RAB38: variants seen among roughly 807,000 people sequenced by gnomAD.
The protein encoded by RAB38 is ras-related protein Rab-38.
In RAB38, 15 loss-of-function variants were observed where a neutral mutation model predicts 18.4. The observed-to-expected ratio is 0.82, with a 90% CI of 0.55 to 1.26. The LOEUF is 1.26. Among genes scored for constraint, RAB38 ranks in the 50% most tolerant of loss-of-function variants. The pLI, the probability that RAB38 is intolerant of heterozygous loss-of-function variation, is 0.00. For missense variants in RAB38, 294 were observed against 267.4 expected, an observed-to-expected ratio of 1.10 and a Z score of -0.69; for synonymous variants, 101 against 104.4, an observed-to-expected ratio of 0.97 and a Z score of 0.20.
the RAB38 span, among the ~76,000 whole-genome samples, chr11:87,915,715 T>G: frequency 6.6e-6 from 1 of 152,156 alleles, no homozygotes; most frequent in African/African-American, 2.4e-5. Context: ...TGCTTTACTC[T>G]CTTAATAAAC....
At chr11:87,886,077 G>A in the RAB38 span, among the ~76,000 whole-genome samples, 2 of 151,818 alleles carry the variant, frequency 1.3e-5, no homozygotes, top group African/African-American at 2.4e-5. Context: ...TTGATACACC[G>A]TTTCAACTCC....
At chr11:88,099,378 A>T in the RAB38 span, among the ~76,000 whole-genome samples, 2 of 151,956 alleles carry the variant, frequency 1.3e-5, no homozygotes. Context: ...TTTAATTTTC[A>T]CAGAATTCAT....
chr11:87,898,882 T>G, the RAB38 span, among the ~76,000 whole-genome samples: 382 of 151,720 alleles, frequency 2.5e-3, 1 homozygote, highest in Non-Finnish European at 4.3e-3. Flanking sequence ...TTCCCCCATG[T>G]AGGAAGGACC....
At chr11:87,886,531 G>A in the RAB38 span, among the ~76,000 whole-genome samples, 15 of 151,890 alleles carry the variant, frequency 9.9e-5, 1 homozygote, top group Admixed American at 9.8e-4. Context: ...TGTGGTTAAG[G>A]ATTTACCAGC....
At chr11:88,005,377 A>G in the RAB38 span, among the ~76,000 whole-genome samples, 1 of 143,740 alleles carries the variant, frequency 7.0e-6, no homozygotes, top group Non-Finnish European at 1.5e-5. Context: ...AAGGCAATTC[A>G]ATGAAGGAAA....
chr11:88,013,541 T>C, the RAB38 span, among the ~76,000 whole-genome samples: 1 of 152,172 alleles, frequency 6.6e-6, no homozygotes, highest in Non-Finnish European at 1.5e-5. Context: ...TTGTTCTAGC[T>C]GATTCAAAAT....
chr11:88,021,897 G>A, the RAB38 span, among the ~76,000 whole-genome samples: 1 of 146,776 alleles, frequency 6.8e-6, no homozygotes, highest in Non-Finnish European at 1.5e-5. Flanking sequence ...TCAAATTCCT[G>A]ACCTAAAGTG....
the RAB38 span, among the ~76,000 whole-genome samples, chr11:87,970,937 G>C: frequency 6.6e-6 from 1 of 152,018 alleles, no homozygotes; most frequent in Non-Finnish European, 1.5e-5. Context: ...AGGAGTCCCT[G>C]CGCAGCAGCT....
the RAB38 span, among the ~76,000 whole-genome samples, chr11:87,953,304 ATGTATAAGGAATAGG>A: frequency 1.3e-5 from 2 of 152,154 alleles, no homozygotes; most frequent in Non-Finnish European, 2.9e-5. Flanking sequence ...GTAGTGATGA[ATGTATAAGGAATAGG>A]TGCTAGAGAG....
chr11:87,910,633 C>CTTTTTTTTTTTTTTTTTTTTTTTT, the RAB38 span, among the ~76,000 whole-genome samples: 1 of 131,104 alleles, frequency 7.6e-6, no homozygotes, highest in Non-Finnish European at 1.5e-5. Context: ...AGTTCATTTT[C>CTTTTTTTTTTTTTTTTTTTTTTTT]TTTTTTTTTT....
At chr11:88,080,864 AG>A in the RAB38 span, among the ~76,000 whole-genome samples, 1 of 132,378 alleles carries the variant, frequency 7.6e-6, no homozygotes, top group African/African-American at 2.7e-5. Flanking sequence ...GGAGGGAGGG[AG>A]GGAGGGAGGG....
At chr11:88,124,828 A>C (rs1942674365) in intron 2 of RAB38, among the ~76,000 whole-genome samples, 2 of 152,246 alleles carry the variant, frequency 1.3e-5, no homozygotes, top group African/African-American at 2.4e-5. Context: ...TTGAAATATC[A>C]TGTAACTAGA....
chr11:87,877,697 G>A, the RAB38 span, among the ~76,000 whole-genome samples: 1 of 151,470 alleles, frequency 6.6e-6, no homozygotes, highest in Non-Finnish European at 1.5e-5. Flanking sequence ...TATAACACTA[G>A]CCCTCCTAGC....
intron 1 of RAB38, 113 bp downstream of exon 1, chr11:88,175,070 C>A: frequency 7.9e-7 from 1 of 1,267,460 alleles, no homozygotes; most frequent in Non-Finnish European, 1.1e-6. Context: ...CCAGGAAAAA[C>A]TGCCTCGCGA....
the RAB38 span, among the ~76,000 whole-genome samples, chr11:87,904,541 T>C: frequency 0.3 from 45,772 of 151,596 alleles, 8,724 homozygotes; most frequent in African/African-American, 0.55. Flanking sequence ...TGAATAGTAT[T>C]ATAATGAATA....
chr11:87,947,528 C>T, the RAB38 span, among the ~76,000 whole-genome samples: 13 of 152,234 alleles, frequency 8.5e-5, no homozygotes, highest in African/African-American at 3.1e-4. Flanking sequence ...TCAGGTCTAA[C>T]ATTTAAGTCT....
chr11:88,154,760 ACT>A (rs1565218576), intron 1 of RAB38, among the ~76,000 whole-genome samples: 2 of 152,116 alleles, frequency 1.3e-5, no homozygotes, highest in African/African-American at 4.8e-5. Context: ...TGGGAGGCTA[ACT>A]CTGTTTCACA....
chr11:87,873,840 A>G, the RAB38 span, among the ~76,000 whole-genome samples: 2 of 144,840 alleles, frequency 1.4e-5, no homozygotes, highest in Admixed American at 1.4e-4. Context: ...TTTCTTTCTT[A>G]TTGATTTGCC....
the RAB38 span, among the ~76,000 whole-genome samples, chr11:87,925,561 T>C: frequency 6.6e-6 from 1 of 152,016 alleles, no homozygotes; most frequent in South Asian, 2.1e-4. Context: ...AAAGGTATGT[T>C]TAATGAAGGT....
Sources: gnomAD v4.1 joint callset for allele counts (sites outside exome capture counted in the v4.1 genomes callset) on GRCh38, gnomAD v4.1.1 for gene constraint, MANE v1.5 for transcripts, NCBI Gene and HGNC (gene_info 2026-07-23, HGNC 2026-07-21) for gene names.